SH2D4A: variants seen among roughly 807,000 people sequenced by gnomAD.
SH2D4A encodes SH2 domain-containing protein 4A.
In SH2D4A, 70 loss-of-function variants were observed where a neutral mutation model predicts 64.7. The observed-to-expected ratio is 1.08, with a 90% confidence interval of 0.89 to 1.32. The LOEUF (loss-of-function observed/expected upper bound fraction) is 1.32. Among genes scored for constraint, SH2D4A ranks in the 40% most tolerant of loss-of-function variants. The pLI is 0.00. For synonymous variants in SH2D4A, 268 were observed against 200.7 expected, an observed-to-expected ratio of 1.34 and a Z score of -2.83; for missense variants, 706 against 540.1, an observed-to-expected ratio of 1.31 and a Z score of -3.04.
intron 8 of SH2D4A, 151 bp from the exon 9 acceptor site, chr8:19,393,167 T>C (rs1184049616): frequency 3.0e-6 from 2 of 667,634 alleles, no homozygotes; most frequent in Non-Finnish European, 5.2e-6. Context: ...GAATATTCCG[T>C]ATTCCTAAGA....
chr8:19,351,933 A>G (rs2052711933), intron 4 of SH2D4A, among the ~76,000 whole-genome samples: 1 of 151,982 alleles, frequency 6.6e-6, no homozygotes, highest in African/African-American at 2.4e-5. Context: ...ACAGGCACCC[A>G]CCATCATGCC....
At chr8:19,362,601 G>T (rs964651908) in intron 6 of SH2D4A, among the ~76,000 whole-genome samples, 4 of 151,982 alleles carry the variant, frequency 2.6e-5, no homozygotes, top group African/African-American at 9.7e-5. Context: ...TTAGCTGGTT[G>T]TGGTGGCGTA....
chr8:19,331,651 G>A (rs1440823895), intron 2 of SH2D4A, among the ~76,000 whole-genome samples: 1 of 152,142 alleles, frequency 6.6e-6, no homozygotes, highest in Non-Finnish European at 1.5e-5. Flanking sequence ...AATCTCTGAG[G>A]CAGCCATATA....
In SH2D4A at chr8:19,365,228, A is replaced by G. The variant is rs149462050; in HGVS notation, c.917+946A>G. ...GACCTCAGGGGAAACACAAAGGCGGATGTTTTTCTTTGCTGTAATTATTTC... is the reference window on the plus strand; with the variant it reads ...GACCTCAGGGGAAACACAAAGGCGGGTGTTTTTCTTTGCTGTAATTATTTC... On this transcript the variant is annotated intron_variant, in intron 7 of 9. Coordinates refer to ENST00000265807, the MANE Select transcript of SH2D4A (RefSeq NM_022071.4). 9.2e-5 allele frequency among the ~76,000 whole-genome samples: 14 copies of G among 152,276 alleles called. 1 individual carries two copies. Among genetic ancestry groups the G allele is most frequent in the Admixed American group, 3.9e-4 (6 of 15,300 alleles).
At chr8:19,318,546 A>G (rs2052129253) in intron 1 of SH2D4A, among the ~76,000 whole-genome samples, 1 of 152,226 alleles carries the variant, frequency 6.6e-6, no homozygotes, top group African/African-American at 2.4e-5. Context: ...GCCATGCGGT[A>G]AAGTCATATA....
chr8:19,361,897 C>T (rs555768732), intron 6 of SH2D4A, among the ~76,000 whole-genome samples: 7 of 152,214 alleles, frequency 4.6e-5, no homozygotes, highest in East Asian at 3.9e-4. Flanking sequence ...GTTAGCATCC[C>T]GCTCCTGCCT....
At chr8:19,389,944 T>G (rs889068609) in intron 8 of SH2D4A, among the ~76,000 whole-genome samples, 1 of 152,134 alleles carries the variant, frequency 6.6e-6, no homozygotes, top group Non-Finnish European at 1.5e-5. Flanking sequence ...TTTGGTTTCT[T>G]TAAGCTGTGC....
chr8:19,383,427 A>C, intron 8 of SH2D4A, among the ~76,000 whole-genome samples: 1 of 149,042 alleles, frequency 6.7e-6, no homozygotes, highest in African/African-American at 2.5e-5. Flanking sequence ...TTCTCTTTAT[A>C]CTTACATTTT....
chr8:19,361,152 C>T, intron 5 of SH2D4A, 51 bp from the exon 6 acceptor site: 1 of 1,116,210 alleles, frequency 9.0e-7, no homozygotes, highest in Non-Finnish European at 1.3e-6. Context: ...CACCAAGGTT[C>T]TTTTTTTGTT....
chr8:19,353,822 T>C (rs1025401840), intron 4 of SH2D4A, among the ~76,000 whole-genome samples: 4 of 151,974 alleles, frequency 2.6e-5, no homozygotes, highest in Admixed American at 2.6e-4. Context: ...TTCATGTTAT[T>C]TTAACCCTTT....
rs1334821575 is a variant in SH2D4A, at chr8:19,319,821, G to A, written c.181+93G>A. 13 of 1,334,220 alleles carry A rather than the reference G, an allele frequency of 9.7e-6. No individual in the cohort carries two copies. The Admixed American group carries it at 3.5e-4, about 36-fold the overall frequency. 82.6% of individuals were successfully genotyped at this position (1,334,220 alleles called of 1,614,324 possible). A position where few individuals can be genotyped will look rare whatever the true frequency, so the allele number is the denominator to read the frequency against. On this transcript the variant is annotated intron_variant, in intron 2 of 9. Coordinates refer to ENST00000265807, the MANE Select transcript of SH2D4A (RefSeq NM_022071.4). ...CACACTAGTCACAAGCAAAGCAGGT[G>A]CAAGTTCCAGTTTGGCAGATGAATC...
intron 4 of SH2D4A, among the ~76,000 whole-genome samples, chr8:19,348,481 C>T (rs2052646748): frequency 6.6e-6 from 1 of 152,132 alleles, no homozygotes; most frequent in Non-Finnish European, 1.5e-5. Flanking sequence ...TAATATGAAA[C>T]TTCCACTTAA....
intron 8 of SH2D4A, among the ~76,000 whole-genome samples, chr8:19,390,782 G>A (rs760162418): frequency 2.6e-5 from 4 of 152,120 alleles, no homozygotes; most frequent in Non-Finnish European, 5.9e-5. Context: ...TGTCCCAGGA[G>A]ATTAGATGGC....
At chr8:19,363,884 T>C (rs2052936563) in intron 6 of SH2D4A, 188 bp from the exon 7 acceptor site, 5 of 605,356 alleles carry the variant, frequency 8.3e-6, no homozygotes, top group Non-Finnish European at 1.5e-5. Context: ...AAGAGAGGAA[T>C]CCTGCAGCGA....
In SH2D4A at chr8:19,393,509, GC is replaced by G; in HGVS notation, c.1242del (p.Thr415ProfsTer78). The G allele has an allele frequency of 1.9e-6, 3 of 1,614,216 alleles. No individual in the cohort carries two copies. The highest frequency in any genetic ancestry group is 2.5e-6 in the Non-Finnish European group (3 of 1,180,046). On this transcript the variant is annotated frameshift_variant, in exon 9 of 10. Coordinates refer to ENST00000265807, the MANE Select transcript of SH2D4A (RefSeq NM_022071.4). LOFTEE classifies it high-confidence loss of function. ...CCTGGGCGTGGACCAGCTACAGCAT[GC>G]CACCTTGGCGGATTTGGTGGAATAT... ...SFLGVDQLQH[A>X]TLADLVEYHK...
In SH2D4A at chr8:19,382,823, CTTTTTTT is replaced by C. The variant is rs1159245319; in HGVS notation, c.1048+9182_1048+9188del. 8.8e-3 allele frequency among the ~76,000 whole-genome samples: 571 copies of C among 64,624 alleles called. 4 individuals carry two copies. The highest frequency in any genetic ancestry group is 0.031 in the African/African-American group (537 of 17,108). 42.4% of individuals were successfully genotyped at this position (64,624 alleles called of 152,430 possible). ...TTTCTCTCTTGCTGCTTTTAAGATT[CTTTTTTT>C]TTTTTTTTTTTTTTTTTTGAGACAG... On this transcript the variant is annotated intron_variant, in intron 8 of 9. Coordinates refer to ENST00000265807, the MANE Select transcript of SH2D4A (RefSeq NM_022071.4).
At chr8:19,354,873 AAG>A (rs1035857567) in intron 4 of SH2D4A, among the ~76,000 whole-genome samples, 3 of 152,204 alleles carry the variant, frequency 2.0e-5, no homozygotes, top group African/African-American at 7.2e-5. Flanking sequence ...GGAAGCAACT[AAG>A]AGTGTGTTTT....
intron 4 of SH2D4A, among the ~76,000 whole-genome samples, chr8:19,343,680 G>C (rs964589316): frequency 6.6e-6 from 1 of 152,182 alleles, no homozygotes; most frequent in South Asian, 2.1e-4. Context: ...TGTTGGGCTT[G>C]TTGGGCTGCA....
At chr8:19,347,399 C>G (rs905198567) in intron 4 of SH2D4A, among the ~76,000 whole-genome samples, 4 of 152,186 alleles carry the variant, frequency 2.6e-5, no homozygotes, top group African/African-American at 4.8e-5. Context: ...GAGTCCCCTG[C>G]AGCTGAAGAG....
Sources: gnomAD v4.1 joint callset for allele counts (sites outside exome capture counted in the v4.1 genomes callset) on GRCh38, gnomAD v4.1.1 for gene constraint, MANE v1.5 for transcripts, NCBI Gene and HGNC (gene_info 2026-07-23, HGNC 2026-07-21) for gene names.